Variants in CENPV observed in about 807,000 individuals in gnomAD.
The protein encoded by CENPV is nuclear protein p30.
In CENPV, 15 loss-of-function variants were observed where a neutral mutation model predicts 26.4. That is an observed-to-expected ratio of 0.57 (90% CI 0.38 to 0.88). The LOEUF (loss-of-function observed/expected upper bound fraction) is 0.88. CENPV is among the 40% of genes least tolerant of loss of function. The pLI is 0.00. For synonymous variants in CENPV, 172 were observed against 165.5 expected (o/e 1.04, Z -0.30); for missense variants, 336 against 376.5 (o/e 0.89, Z 0.89).
In CENPV at chr17:16,348,886, A is replaced by C. The variant is rs1600906630; in HGVS notation, c.510-201T>G. On this transcript the variant is annotated intron_variant, in intron 2 of 4. Coordinates refer to ENST00000299736, the MANE Select transcript of CENPV (RefSeq NM_181716.3). ...GCAGAGCCCAGGGGGGTCCCAAGTCAGCAGTCGAGGTTCTGCAATGCTCAG... is the reference window on the plus strand; with the variant it reads ...GCAGAGCCCAGGGGGGTCCCAAGTCCGCAGTCGAGGTTCTGCAATGCTCAG... 7.8e-5 allele frequency: 107 copies of C among 1,368,656 alleles called. 3 individuals are homozygous for C. In the South Asian group the frequency reaches 1.5e-3, roughly 19 times the overall value. 84.8% of individuals were successfully genotyped at this position (1,368,656 alleles called of 1,614,324 possible).
intron 4 of CENPV, 189 bp downstream of exon 4, chr17:16,344,407 GA>G (rs1265618670): frequency 1.1e-5 from 4 of 349,028 alleles, no homozygotes; most frequent in African/African-American, 6.4e-5. Context: ...ATGGGATTCA[GA>G]AAAGTTTCAC....
chr17:16,353,146 C>T lies in CENPV; in HGVS notation c.291G>A (p.Ala97=). The T allele has an allele frequency of 6.7e-7, 1 of 1,483,480 alleles. No homozygotes were observed. Among genetic ancestry groups the T allele is most frequent in the Non-Finnish European group, 8.9e-7 (1 of 1,120,066 alleles). 91.9% of individuals were successfully genotyped at this position (1,483,480 alleles called of 1,614,324 possible). ...PPPPPPPPTP[A]TPTSSASNLD... is the part of the protein sequence containing the mutation. The stretch of plus-strand genomic sequence containing the variant: ...GGTTGGACGCCGAGGACGTCGGGGT[C>T]GCGGGAGTCGGCGGCGGCGGCGGCG... The change falls in exon 1 of 5, where the codon GCG becomes GCA. Residue 97 remains alanine, a synonymous_variant. Transcript: ENST00000299736.
chr17:16,353,373 C>CGGAGGCCCA lies in CENPV; in HGVS notation c.63_64insTGGGCCTCC (p.Ser21_Ala22insTrpAlaSer). 1 of 1,135,598 alleles carries CGGAGGCCCA rather than the reference C, an allele frequency of 8.8e-7. No individual in the cohort carries two copies. 70.3% of individuals were successfully genotyped at this position (1,135,598 alleles called of 1,614,324 possible). ...GCGGCCGCGGAGGCCGCGGGGGCCG[C>CGGAGGCCCA]GGAGGCCCCGGACCGCTTCTGCCCG... On this transcript the variant is annotated inframe_insertion, in exon 1 of 5. Coordinates refer to ENST00000299736, the MANE Select transcript of CENPV (RefSeq NM_181716.3).
chr17:16,350,086 C>CT (rs1180278515), intron 1 of CENPV, 57 bp from the exon 2 acceptor site: 57 of 1,575,280 alleles, frequency 3.6e-5, no homozygotes, highest in Non-Finnish European at 4.6e-5. Flanking sequence ...CTCCTGCTCT[C>CT]TTTTTGTTGC....
rs4791667 is a variant in CENPV, at chr17:16,342,905, C to T, written c.731G>A (p.Arg244Gln). Reference protein sequence around the residue: ...APHCLDEGTVRSMVTEEFNGS... With the variant: ...APHCLDEGTVQSMVTEEFNGS... ...ATTGAATTCCTCAGTGACCATACTC[C>T]GCACAGTGCCCTCATCCAGGCAGTG... is the stretch of plus-strand genomic sequence containing the variant. The change falls in exon 5 of 5, where the codon CGG (arginine) becomes CAG (glutamine). Residue 244 changes from arginine to glutamine, a missense_variant. Transcript: ENST00000299736. 5.6e-6 allele frequency: 9 copies of T among 1,614,152 alleles called. No individual in the cohort carries two copies. The highest frequency in any genetic ancestry group is 1.6e-4 in the Middle Eastern group (1 of 6,062).
intron 2 of CENPV, 138 bp downstream of exon 2, chr17:16,349,792 GT>G: frequency 6.9e-7 from 1 of 1,457,368 alleles, no homozygotes; most frequent in Non-Finnish European, 9.1e-7. Context: ...GAACCTTTCT[GT>G]CCCCATCACC....
In CENPV at chr17:16,344,700, G is replaced by A. The variant is rs1018346502; in HGVS notation, c.591C>T (p.His197=). ...GAGTATTGAACGTGTAAGTCGTTAT[G>A]TGCTCAGCTCCCTAGGTGAAAACAG... ...SRFKLLKGAE[H]ITTYTFNTHK... is the part of the protein sequence containing the mutation. Residue 197 remains histidine, a synonymous_variant, in exon 4 of 5, where the codon CAC becomes CAT. Coordinates refer to ENST00000299736, the MANE Select transcript of CENPV (RefSeq NM_181716.3). The A allele has an allele frequency of 6.3e-7, 1 of 1,584,680 alleles. No individual in the cohort carries two copies. Among genetic ancestry groups the A allele is most frequent in the Non-Finnish European group, 8.6e-7 (1 of 1,165,408 alleles).
chr17:16,353,451 G>C lies in CENPV; in HGVS notation c.-15C>G, dbSNP rs950979198. ...GATCGCCGCATGGCTCCCGCAGCCT[G>C]GCGCGCAGGCCTCGCAGCGCGGCGC... On this transcript the variant is annotated 5_prime_UTR_variant, in exon 1 of 5. Coordinates refer to ENST00000299736, the MANE Select transcript of CENPV (RefSeq NM_181716.3). 6.2e-5 allele frequency: 69 copies of C among 1,113,480 alleles called. No individual in the cohort carries two copies. The African/African-American group carries it at 1.1e-3, about 18-fold the overall frequency. 69.0% of individuals were successfully genotyped at this position (1,113,480 alleles called of 1,614,324 possible). A position where few individuals can be genotyped will look rare whatever the true frequency, so the allele number is the denominator to read the frequency against.
In CENPV at chr17:16,353,372, G is replaced by GCGGAGGCAC; in HGVS notation, c.64_65insGTGCCTCCG (p.Gly19_Ser21dup). 8.1e-7 allele frequency: 1 copy of GCGGAGGCAC among 1,239,940 alleles called. No individual in the cohort carries two copies. Among genetic ancestry groups the GCGGAGGCAC allele is most frequent in the Non-Finnish European group, 1.0e-6 (1 of 994,358 alleles). 76.8% of individuals were successfully genotyped at this position (1,239,940 alleles called of 1,614,324 possible). On this transcript the variant is annotated inframe_insertion, in exon 1 of 5. Coordinates refer to ENST00000299736, the MANE Select transcript of CENPV (RefSeq NM_181716.3). The stretch of plus-strand genomic sequence containing the variant: ...AGCGGCCGCGGAGGCCGCGGGGGCC[G>GCGGAGGCAC]CGGAGGCCCCGGACCGCTTCTGCCC...
rs1461710637 is a variant in CENPV at position 16,342,844 on chromosome 17, C to G, written c.792G>C (p.Lys264Asn). ...SDWEKAMKEH[K>N]TIKNMSKE ...ACTCTTTAGACATGTTCTTGATGGT[C>G]TTGTGCTCTTTCATGGCCTTCTCCC... The change falls in exon 5 of 5, where the codon AAG becomes AAC. Residue 264 changes from lysine (K) to asparagine (N), a missense_variant. Lys to Asn is a moderately conservative substitution (Grantham distance 94). This residue lies in a region of CENPV where 155 missense variants were observed against 227.8 expected (regional missense o/e 0.68). Coordinates refer to ENST00000299736, the MANE Select transcript of CENPV (RefSeq NM_181716.3). The G allele has an allele frequency of 1.5e-5, 25 of 1,614,132 alleles. No individual in the cohort carries two copies. The highest frequency in any genetic ancestry group is 2.0e-5 in the Non-Finnish European group (24 of 1,180,030).
chr17:16,349,492 A>G, intron 2 of CENPV: 1 of 986,952 alleles, frequency 1.0e-6, no homozygotes, highest in South Asian at 4.7e-5. Flanking sequence ...TCAACCGAAG[A>G]GCAGAGCGAG....
Position 16,353,216 on chromosome 17 carries a change from C to T in CENPV, c.221G>A (p.Gly74Asp). The part of the protein sequence containing the change: ...RRSSPRAQEE[G>D]PGEPPPPELA... ...CTCAGGCGGCGGCGGCTCCCCCGGG[C>T]CCTCCTCCTGGGCCCGCGGCGACGA... Residue 74 changes from glycine (G) to aspartate (D), a missense_variant, in exon 1 of 5, where the codon GGC (glycine) becomes GAC (aspartate). Transcript: ENST00000299736. The T allele has an allele frequency of 7.2e-7, 1 of 1,383,688 alleles. No individual in the cohort carries two copies. The highest frequency in any genetic ancestry group is 9.3e-7 in the Non-Finnish European group (1 of 1,075,272). The allele number at this position is 1,383,688 out of a possible 1,614,324, so 85.7% of individuals were successfully genotyped here. A position where few individuals can be genotyped will look rare whatever the true frequency, so the allele number is the denominator to read the frequency against.
Position 16,353,205 on chromosome 17 carries a change from G to T in CENPV, c.232C>A (p.Pro78Thr). The T allele has an allele frequency of 2.9e-6, 4 of 1,363,104 alleles. No individual in the cohort carries two copies. The East Asian group carries it at 9.3e-5, about 32-fold the overall frequency. The allele number at this position is 1,363,104 out of a possible 1,614,324, so 84.4% of individuals were successfully genotyped here. Reference protein sequence around the residue: ...PRAQEEGPGEPPPPELALLPP... With the variant: ...PRAQEEGPGETPPPELALLPP... ...AGCAACGCCAGCTCAGGCGGCGGCG[G>T]CTCCCCCGGGCCCTCCTCCTGGGCC... Residue 78 changes from proline (P) to threonine (T), a missense_variant, in exon 1 of 5, where the codon CCG becomes ACG. Physicochemically the swap from Pro to Thr is conservative, Grantham distance 38. This residue lies in a region of CENPV where 181 missense variants were observed against 148.8 expected (regional missense o/e 1.22). Coordinates refer to ENST00000299736, the MANE Select transcript of CENPV (RefSeq NM_181716.3).
chr17:16,342,978 G>C (rs2093188962), intron 4 of CENPV, 37 bp from the exon 5 acceptor site: 9 of 1,613,392 alleles, frequency 5.6e-6, no homozygotes, highest in African/African-American at 5.3e-5. Context: ...GGGATCCTCA[G>C]TATGGGTGAG....
At chr17:16,349,354 A>C (rs1445802836) in intron 2 of CENPV, 5 of 985,958 alleles carry the variant, frequency 5.1e-6, no homozygotes, top group Non-Finnish European at 6.0e-6. Context: ...AAAGGACTGG[A>C]TGCTGTTAAA....
At chr17:16,352,942 G>A (rs2093234026) in intron 1 of CENPV, 85 bp downstream of exon 1, 3 of 1,417,996 alleles carry the variant, frequency 2.1e-6, no homozygotes, top group African/African-American at 1.5e-5. Flanking sequence ...GGCGCCCAAG[G>A]CCTGCACGCG....
intron 1 of CENPV, among the ~76,000 whole-genome samples, chr17:16,352,400 A>T (rs2093232278): frequency 6.6e-6 from 1 of 152,110 alleles, no homozygotes; most frequent in South Asian, 2.1e-4. Context: ...AGCACATAAA[A>T]GCCTCCCTAC....
chr17:16,350,108 CAGA>C, intron 1 of CENPV, 79 bp from the exon 2 acceptor site: 4 of 1,539,814 alleles, frequency 2.6e-6, no homozygotes, highest in Non-Finnish European at 3.5e-6. Flanking sequence ...GAAAGAAAGA[CAGA>C]AGATTAGACA....
chr17:16,353,418 A>G lies in CENPV; in HGVS notation c.19T>C (p.Ser7Pro). 8.5e-7 allele frequency: 1 copy of G among 1,170,498 alleles called. No homozygotes were observed. The highest frequency in any genetic ancestry group is 1.1e-6 in the Non-Finnish European group (1 of 950,680). 72.5% of individuals were successfully genotyped at this position (1,170,498 alleles called of 1,614,324 possible). Residue 7 changes from serine to proline, a missense_variant, in exon 1 of 5, where the codon TCT becomes CCT. By Grantham distance (74) the Ser-to-Pro change is moderately conservative (BLOSUM62 -1). Coordinates refer to ENST00000299736, the MANE Select transcript of CENPV (RefSeq NM_181716.3). MRRSRS[S>P]AAAKLRGQKR... ...TGCCCGCGCAGCTTGGCGGCCGCAG[A>G]GCTCCTCGATCGCCGCATGGCTCCC...
Sources: allele counts gnomAD v4.1 joint callset (sites outside exome capture counted in the v4.1 genomes callset), GRCh38; gene constraint gnomAD v4.1.1; regional missense constraint gnomAD v4.1.1; transcripts MANE v1.5; gene names NCBI Gene and HGNC (gene_info 2026-07-23, HGNC 2026-07-21).